PRKG1: variants seen among roughly 807,000 people sequenced by gnomAD.
PRKG1 encodes cGMP-dependent protein kinase 1.
PRKG1 carries 35 observed loss-of-function variants against 88.1 expected under a neutral mutation model. That is an observed-to-expected ratio of 0.40 (90% CI 0.30 to 0.53). PRKG1 has a LOEUF of 0.53. Ranked by LOEUF, PRKG1 falls within the 20% of genes least tolerant of loss-of-function variation. The pLI is 0.59. For missense variants in PRKG1, 540 were observed against 839.8 expected (o/e 0.64, Z 4.41); for synonymous variants, 303 against 292.5 (o/e 1.04, Z -0.37).
chr10:51,504,702 G>A (rs2132048316), intron 3 of PRKG1, among the ~76,000 whole-genome samples: 1 of 152,202 alleles, frequency 6.6e-6, no homozygotes, highest in South Asian at 2.1e-4. Context: ...TTGGAAGTTG[G>A]ATTCCTAGGT....
chr10:51,969,807 T>C (rs1462117119), intron 5 of PRKG1, among the ~76,000 whole-genome samples: 1 of 152,030 alleles, frequency 6.6e-6, no homozygotes, highest in Non-Finnish European at 1.5e-5. Flanking sequence ...TCTCTTATAC[T>C]CTGCCGATAG....
intron 9 of PRKG1, among the ~76,000 whole-genome samples, chr10:52,187,765 A>G (rs760595587): frequency 2.2e-4 from 34 of 152,330 alleles, no homozygotes; most frequent in Admixed American, 1.1e-3. Context: ...ACACTGGTCA[A>G]TCTGACTTCC....
intron 3 of PRKG1, among the ~76,000 whole-genome samples, chr10:51,649,545 A>G (rs1282944433): frequency 1.3e-5 from 2 of 152,336 alleles, no homozygotes; most frequent in African/African-American, 4.8e-5. Flanking sequence ...GTAAATTAAC[A>G]CTTAAATAGG....
chr10:51,141,164 A>G (rs1845810806), intron 1 of PRKG1, among the ~76,000 whole-genome samples: 1 of 152,042 alleles, frequency 6.6e-6, no homozygotes, highest in South Asian at 2.1e-4. Context: ...CTCAGCATCC[A>G]CCTTTAACTA....
intron 4 of PRKG1, among the ~76,000 whole-genome samples, chr10:51,884,113 T>C (rs1024625240): frequency 3.3e-5 from 5 of 150,360 alleles, no homozygotes; most frequent in African/African-American, 1.2e-4. Flanking sequence ...AGCAGGCTGA[T>C]GGAAGTGATA....
chr10:51,306,905 A>G (rs1265017511), intron 2 of PRKG1, among the ~76,000 whole-genome samples: 1 of 152,056 alleles, frequency 6.6e-6, no homozygotes, highest in Non-Finnish European at 1.5e-5. Context: ...GTTCAAAGGG[A>G]TTTGTTTGAA....
intron 3 of PRKG1, among the ~76,000 whole-genome samples, chr10:51,715,866 A>G (rs1841873011): frequency 6.6e-6 from 1 of 152,242 alleles, no homozygotes; most frequent in South Asian, 2.1e-4. Context: ...ACATTTTTAT[A>G]TGTGATTGTG....
chr10:51,780,301 G>A (rs1838553028), intron 3 of PRKG1, among the ~76,000 whole-genome samples: 1 of 151,934 alleles, frequency 6.6e-6, no homozygotes, highest in Non-Finnish European at 1.5e-5. Context: ...TTCTTCATAA[G>A]GCACAGTGAT....
chr10:51,943,308 C>T (rs1278490904), intron 5 of PRKG1, among the ~76,000 whole-genome samples: 1 of 151,716 alleles, frequency 6.6e-6, no homozygotes, highest in Non-Finnish European at 1.5e-5. Context: ...GATTTTGTAT[C>T]CTGAGACTTT....
At chr10:52,131,831 A>AG (rs1837271722) in intron 7 of PRKG1, among the ~76,000 whole-genome samples, 1 of 148,678 alleles carries the variant, frequency 6.7e-6, no homozygotes, top group African/African-American at 2.5e-5. Flanking sequence ...AAAAAAAAAA[A>AG]AAAAAAAAAA....
At chr10:52,235,349 C>T (rs1403077775) in intron 9 of PRKG1, among the ~76,000 whole-genome samples, 1 of 65,852 alleles carries the variant, frequency 1.5e-5, no homozygotes, top group Non-Finnish European at 2.8e-5. Context: ...CTAAATGCTC[C>T]AATTAAAAGA....
rs560203324 is a variant in PRKG1 at position 51,829,564 on chromosome 10, A to G, written c.698+24874A>G. On this transcript the variant is annotated intron_variant, in intron 4 of 17. Coordinates refer to ENST00000373980, the MANE Select transcript of PRKG1 (RefSeq NM_006258.4). ...GAAATTATTGTTAGTGTTTGTGTCA[A>G]TGATGCTGTGGTCATGTAAGAGAAT... 2.3e-4 allele frequency among the ~76,000 whole-genome samples: 35 copies of G among 152,352 alleles called. No individual in the cohort carries two copies. In the South Asian group the frequency reaches 6.0e-3, roughly 26 times the overall value.
intron 5 of PRKG1, among the ~76,000 whole-genome samples, chr10:51,917,449 A>C (rs911378617): frequency 1.3e-5 from 2 of 152,236 alleles, no homozygotes; most frequent in Middle Eastern, 3.4e-3. Context: ...ACATGGGTAA[A>C]TTTTATAATG....
intron 3 of PRKG1, among the ~76,000 whole-genome samples, chr10:51,798,080 G>A (rs987635790): frequency 6.6e-6 from 1 of 151,928 alleles, no homozygotes; most frequent in African/African-American, 2.4e-5. Flanking sequence ...TTAACCTTCA[G>A]CTATTGTAAA....
chr10:52,273,813 T>TAC (rs1841795074), intron 12 of PRKG1, among the ~76,000 whole-genome samples: 1 of 152,278 alleles, frequency 6.6e-6, no homozygotes, highest in Admixed American at 6.5e-5. Flanking sequence ...AGTTAATATG[T>TAC]ACATAGAGAT....
chr10:51,683,463 C>T (rs141907254), intron 3 of PRKG1, among the ~76,000 whole-genome samples: 37 of 152,304 alleles, frequency 2.4e-4, no homozygotes, highest in African/African-American at 8.7e-4. Context: ...ACATAGAGGT[C>T]ATAGTGCTGG....
intron 4 of PRKG1, among the ~76,000 whole-genome samples, chr10:51,876,634 C>T (rs1841307340): frequency 1.3e-5 from 2 of 152,176 alleles, no homozygotes; most frequent in African/African-American, 4.8e-5. Context: ...AGTGTTCCAG[C>T]AATATTTCTT....
intron 1 of PRKG1, among the ~76,000 whole-genome samples, chr10:51,120,479 A>G (rs4436494): frequency 0.79 from 120,585 of 151,956 alleles, 48,486 homozygotes; most frequent in South Asian, 0.88. Context: ...CCTTCACAAC[A>G]TTTTCAAATT....
intron 4 of PRKG1, among the ~76,000 whole-genome samples, chr10:51,863,124 G>C (rs1374904894): frequency 3.7e-5 from 2 of 54,188 alleles, no homozygotes; most frequent in African/African-American, 1.7e-4. Flanking sequence ...ATATAAATCA[G>C]TAGGACCCCA....
Sources: allele counts gnomAD v4.1 joint callset (sites outside exome capture counted in the v4.1 genomes callset), GRCh38; gene constraint gnomAD v4.1.1; transcripts MANE v1.5; gene names NCBI Gene and HGNC (gene_info 2026-07-23, HGNC 2026-07-21).